Variants in STK17B observed in about 807,000 individuals in gnomAD.
STK17B encodes serine/threonine kinase 17b, also known as serine/threonine-protein kinase 17B.
STK17B carries 21 observed loss-of-function variants against 42.0 expected under a neutral mutation model. The ratio of observed to expected loss-of-function variants is 0.50; its 90% CI spans 0.35 to 0.72. The LOEUF is 0.72. STK17B is among the 30% of genes least tolerant of loss of function. The pLI is 0.00. For missense variants in STK17B, 349 were observed against 446.0 expected, an observed-to-expected ratio of 0.78 and a Z score of 1.96; for synonymous variants, 143 against 148.4, an observed-to-expected ratio of 0.96 and a Z score of 0.26.
chr2:196,144,430 T>G (rs1271309999), intron 4 of STK17B, among the ~76,000 whole-genome samples: 1 of 121,254 alleles, frequency 8.2e-6, no homozygotes, highest in Non-Finnish European at 1.6e-5. Flanking sequence ...GAGCTTGCAG[T>G]GAGCCAAGAT....
intron 6 of STK17B, 65 bp downstream of exon 6, chr2:196,141,184 G>A (rs1699489098): frequency 8.1e-7 from 1 of 1,239,550 alleles, no homozygotes; most frequent in Admixed American, 2.2e-5. Context: ...TGGAGTCAAA[G>A]AACCCCAGAA....
chr2:196,166,721 TA>T, intron 1 of STK17B, among the ~76,000 whole-genome samples: 1 of 152,202 alleles, frequency 6.6e-6, no homozygotes, highest in Admixed American at 6.5e-5. Context: ...AAGGAAATGT[TA>T]GGCTTGATCT....
At chr2:196,142,152 G>A (rs1699503396) in intron 5 of STK17B, among the ~76,000 whole-genome samples, 1 of 152,060 alleles carries the variant, frequency 6.6e-6, no homozygotes, top group African/African-American at 2.4e-5. Flanking sequence ...TCCACCTCTT[G>A]GATTCAAGCG....
At chr2:196,167,326 A>G (rs1333461671) in intron 1 of STK17B, among the ~76,000 whole-genome samples, 1 of 152,252 alleles carries the variant, frequency 6.6e-6, no homozygotes, top group African/African-American at 2.4e-5. Flanking sequence ...AGCAACCAGC[A>G]TGGTATCTGC....
chr2:196,137,644 A>G lies in STK17B; in HGVS notation c.922T>C (p.Ser308Pro), dbSNP rs779175254. The G allele has an allele frequency of 2.5e-6, 4 of 1,614,114 alleles. No homozygotes were observed. The highest frequency in any genetic ancestry group is 3.3e-5 in the Admixed American group (2 of 60,018). ...FENLFHPEET[S>P]SSSQTQDHSV... The stretch of plus-strand genomic sequence containing the variant: ...TGATCCTGAGTTTGAGAGGAACTGG[A>G]AGTTTCTTCAGGGTGAAACAAGTTT... Residue 308 changes from serine to proline, a missense_variant, in exon 8 of 8, where the codon TCC becomes CCC. Ser to Pro is a moderately conservative substitution (Grantham distance 74). Transcript: ENST00000263955.
At chr2:196,165,259 AG>A (rs1228917133) in intron 1 of STK17B, among the ~76,000 whole-genome samples, 3 of 152,210 alleles carry the variant, frequency 2.0e-5, no homozygotes, top group Non-Finnish European at 2.9e-5. Flanking sequence ...ACAAGCCAAG[AG>A]GGCAGGCCTC....
Position 196,134,767 on chromosome 2 carries a change from T to G in STK17B, c.*2680A>C, listed in dbSNP as rs548276216. On this transcript the variant is annotated 3_prime_UTR_variant, in exon 8 of 8. Transcript: ENST00000263955. ...AATTTAACTTTAAATTATCACAACA[T>G]AACACTTATCTTCTCATGTGTTCAA... is the stretch of plus-strand genomic sequence containing the variant. 6.6e-6 allele frequency: 1 copy of G among 152,356 alleles called. No individual in the cohort carries two copies. The highest frequency in any genetic ancestry group is 2.4e-5 in the African/African-American group (1 of 41,590). The allele number at this position is 152,356 out of a possible 1,614,324, so 9.4% of individuals were successfully genotyped here. A position where few individuals can be genotyped will look rare whatever the true frequency, so the allele number is the denominator to read the frequency against.
intron 3 of STK17B, among the ~76,000 whole-genome samples, chr2:196,147,386 T>G (rs1267750130): frequency 1.3e-5 from 2 of 152,062 alleles, no homozygotes; most frequent in Non-Finnish European, 2.9e-5. Flanking sequence ...TTTAGAGGGG[T>G]TGAAGCTGGG....
rs1386789992 is a variant in STK17B, at chr2:196,135,058, AT to A, written c.*2388del. 1.3e-5 allele frequency: 2 copies of A among 152,184 alleles called. No homozygotes were observed. Among genetic ancestry groups the A allele is most frequent in the Non-Finnish European group, 2.9e-5 (2 of 68,024 alleles). The allele number at this position is 152,184 out of a possible 1,614,324, so 9.4% of individuals were successfully genotyped here. On this transcript the variant is annotated 3_prime_UTR_variant, in exon 8 of 8. Transcript: ENST00000263955. ...TAATATCAGGAAAAAAGGCATGGAAATTTACAGCTCTGTATTCTACTACTTA... is the reference window on the plus strand; with the variant it reads ...TAATATCAGGAAAAAAGGCATGGAAATTACAGCTCTGTATTCTACTACTTA...
chr2:196,165,989 G>A (rs2105713800), intron 1 of STK17B: 1 of 152,236 alleles, frequency 6.6e-6, no homozygotes, highest in Non-Finnish European at 1.5e-5. Flanking sequence ...TATCTTCTTA[G>A]TTCTGATAGC....
chr2:196,171,368 C>G lies in STK17B; in HGVS notation c.-80G>C, dbSNP rs551366668. ...GCCGCAGGTTCTCCCGGGACTGCCCCCTCCAGGGGGCCGCTGTCCCGCCCC... is the reference window on the plus strand; with the variant it reads ...GCCGCAGGTTCTCCCGGGACTGCCCGCTCCAGGGGGCCGCTGTCCCGCCCC... On this transcript the variant is annotated 5_prime_UTR_variant, in exon 1 of 8. Coordinates refer to ENST00000263955, the MANE Select transcript of STK17B (RefSeq NM_004226.4). 6.6e-5 allele frequency: 10 copies of G among 152,496 alleles called. No individual in the cohort carries two copies. Among genetic ancestry groups the G allele is most frequent in the Admixed American group, 3.3e-4 (5 of 15,312 alleles). The allele number at this position is 152,496 out of a possible 1,614,324, so 9.4% of individuals were successfully genotyped here.
chr2:196,145,810 GAACC>G (rs1236726909), intron 4 of STK17B, 97 bp downstream of exon 4: 2 of 1,248,882 alleles, frequency 1.6e-6, no homozygotes, highest in Non-Finnish European at 2.2e-6. Flanking sequence ...AGAAGACCAG[GAACC>G]AACCATTGTT....
chr2:196,158,327 G>A (rs1519595), intron 2 of STK17B, among the ~76,000 whole-genome samples: 88,943 of 152,068 alleles, frequency 0.58, 26,844 homozygotes, highest in East Asian at 0.92. Flanking sequence ...ATTGATGTCA[G>A]TGGAAAGTAC....
upstream of STK17B, among the ~76,000 whole-genome samples, chr2:196,173,091 G>A (rs1040529761): frequency 2.0e-5 from 3 of 152,014 alleles, no homozygotes; most frequent in South Asian, 2.1e-4. Context: ...CATACTCCCC[G>A]TCACTAATCC....
chr2:196,163,426 A>G lies in STK17B; in HGVS notation c.-43T>C, dbSNP rs1338218850. On this transcript the variant is annotated splice_region_variant and 5_prime_UTR_variant, in exon 2 of 8. Transcript: ENST00000263955. Reference sequence around the variant, plus strand: ...TCTGCTTCTTTAGTCACTTATTTTTACCTATGCAAAAAAAGAGAATACAGA... The same window carrying G: ...TCTGCTTCTTTAGTCACTTATTTTTGCCTATGCAAAAAAAGAGAATACAGA... 3.3e-6 allele frequency: 5 copies of G among 1,535,258 alleles called. No homozygotes were observed. In the Admixed American group the frequency reaches 1.1e-4, roughly 35 times the overall value.
chr2:196,167,530 C>G (rs1699888041), intron 1 of STK17B, among the ~76,000 whole-genome samples: 2 of 152,216 alleles, frequency 1.3e-5, no homozygotes, highest in Admixed American at 1.3e-4. Context: ...AATAAAGTAA[C>G]TATTTTAAAT....
intron 3 of STK17B, among the ~76,000 whole-genome samples, chr2:196,150,613 G>A (rs1289749198): frequency 1.3e-5 from 2 of 152,140 alleles, no homozygotes; most frequent in African/African-American, 2.4e-5. Context: ...GTTATAGAGA[G>A]CCAAGATTTT....
At chr2:196,158,617 T>C (rs1449340579) in intron 2 of STK17B, among the ~76,000 whole-genome samples, 1 of 152,200 alleles carries the variant, frequency 6.6e-6, no homozygotes, top group African/African-American at 2.4e-5. Flanking sequence ...AAATACCTCA[T>C]GAAAGCTCAT....
chr2:196,175,549 G>A (rs1340276091), upstream of STK17B, among the ~76,000 whole-genome samples: 4 of 152,130 alleles, frequency 2.6e-5, no homozygotes, highest in South Asian at 4.1e-4. Flanking sequence ...TCACTTGAAC[G>A]CAGGAGGCAG....
Sources: allele counts gnomAD v4.1 joint callset (sites outside exome capture counted in the v4.1 genomes callset), GRCh38; gene constraint gnomAD v4.1.1; transcripts MANE v1.5; gene names NCBI Gene and HGNC (gene_info 2026-07-23, HGNC 2026-07-21).